PKN2: variants seen among roughly 807,000 people sequenced by gnomAD.
The protein encoded by PKN2 is serine/threonine-protein kinase N2.
PKN2 carries 38 observed loss-of-function variants against 119.1 expected under a neutral mutation model. The ratio of observed to expected loss-of-function variants is 0.32; its 90% CI spans 0.25 to 0.42. The LOEUF is 0.42. Ranked by LOEUF, PKN2 falls within the 10% of genes least tolerant of loss-of-function variation. The pLI, the probability that PKN2 is intolerant of heterozygous loss-of-function variation, is 1.00. For missense variants in PKN2, 850 were observed against 1,165.1 expected (o/e 0.73, Z 3.94); for synonymous variants, 390 against 384.9 (o/e 1.01, Z -0.15).
chr1:88,731,290 G>A (rs1004034075), intron 1 of PKN2, among the ~76,000 whole-genome samples: 3 of 152,204 alleles, frequency 2.0e-5, no homozygotes, highest in Non-Finnish European at 4.4e-5. Flanking sequence ...CTAGTTGAGA[G>A]CACTTTCCTT....
chr1:88,775,925 G>C (rs1670076641), intron 6 of PKN2, among the ~76,000 whole-genome samples: 1 of 151,956 alleles, frequency 6.6e-6, no homozygotes, highest in Non-Finnish European at 1.5e-5. Context: ...CTAACATGGT[G>C]AAACCTCATC....
chr1:88,785,933 A>AAT (rs1670554331), intron 7 of PKN2, among the ~76,000 whole-genome samples, 171 bp from the exon 8 acceptor site: 2 of 152,210 alleles, frequency 1.3e-5, no homozygotes, highest in Admixed American at 6.5e-5. Flanking sequence ...GTCTAGTAGG[A>AAT]GTATATGTAT....
rs1668561903 is a variant in PKN2 at position 88,741,123 on chromosome 1, A to G, written c.184A>G (p.Ile62Val). ...IKREIRKELK[I>V]KEGAENLRKV... ...GAGAGAAATAAGGAAAGAACTGAAA[A>G]TCAAAGAAGGAGCTGAAAATCTGAG... Residue 62 changes from isoleucine (I) to valine (V), a missense_variant, in exon 2 of 22, where the codon ATC becomes GTC. By Grantham distance (29) the Ile-to-Val change is conservative (BLOSUM62 3). Around this residue, in one of 9 missense-constraint regions of PKN2, gnomAD observed 350 missense variants for 511.1 expected, o/e 0.68. Coordinates refer to ENST00000370521, the MANE Select transcript of PKN2 (RefSeq NM_006256.4). 1 of 1,613,054 alleles carries G rather than the reference A, an allele frequency of 6.2e-7. No homozygotes were observed. The highest frequency in any genetic ancestry group is 1.7e-5 in the Admixed American group (1 of 59,902).
At chr1:88,770,672 G>A (rs572184057) in intron 4 of PKN2, among the ~76,000 whole-genome samples, 582 of 148,092 alleles carry the variant, frequency 3.9e-3, no homozygotes, top group East Asian at 9.0e-3. Flanking sequence ...TGCAAGCTCC[G>A]CCTCCCGGGT....
intron 1 of PKN2, among the ~76,000 whole-genome samples, chr1:88,696,408 G>T (rs1327652122): frequency 6.6e-6 from 1 of 152,106 alleles, no homozygotes; most frequent in African/African-American, 2.4e-5. Context: ...TCTTTCTAGG[G>T]CTACATGTTC....
chr1:88,689,945 A>C (rs1193630015), intron 1 of PKN2, among the ~76,000 whole-genome samples: 1 of 152,232 alleles, frequency 6.6e-6, no homozygotes, highest in African/African-American at 2.4e-5. Flanking sequence ...GACTACCACA[A>C]TGTTTGTAAT....
intron 1 of PKN2, among the ~76,000 whole-genome samples, chr1:88,693,710 CA>C (rs1666417409): frequency 1.3e-5 from 2 of 151,376 alleles, no homozygotes; most frequent in South Asian, 4.2e-4. Flanking sequence ...GACCCTGTCT[CA>C]AAAAAAGAAA....
intron 1 of PKN2, among the ~76,000 whole-genome samples, chr1:88,708,296 G>A (rs528524476): frequency 6.6e-6 from 1 of 152,182 alleles, no homozygotes; most frequent in African/African-American, 2.4e-5. Flanking sequence ...ATAGGTTTTT[G>A]TTGTCTAACC....
chr1:88,685,029 T>A (rs1177772185), intron 1 of PKN2: 3 of 188,384 alleles, frequency 1.6e-5, no homozygotes, highest in Admixed American at 6.2e-5. Flanking sequence ...CTTTCCTCCG[T>A]ACACCGCTCC....
At chr1:88,798,233 C>T (rs1490077004) in intron 8 of PKN2, among the ~76,000 whole-genome samples, 1 of 150,676 alleles carries the variant, frequency 6.6e-6, no homozygotes, top group East Asian at 1.9e-4. Flanking sequence ...CAAGCAGAAG[C>T]AGATAATGGG....
intron 15 of PKN2, among the ~76,000 whole-genome samples, chr1:88,811,521 A>C (rs1457395494): frequency 2.0e-5 from 3 of 152,200 alleles, no homozygotes; most frequent in Non-Finnish European, 2.9e-5. Context: ...CAATACAAAC[A>C]ATAGCAGTTC....
At chr1:88,713,759 C>T (rs182078509) in intron 1 of PKN2, among the ~76,000 whole-genome samples, 1 of 152,166 alleles carries the variant, frequency 6.6e-6, no homozygotes, top group Non-Finnish European at 1.5e-5. Context: ...GTTTCTTTTG[C>T]TATGCAGAAG....
At chr1:88,689,942 A>G (rs1374782784) in intron 1 of PKN2, among the ~76,000 whole-genome samples, 1 of 152,240 alleles carries the variant, frequency 6.6e-6, no homozygotes, top group Admixed American at 6.5e-5. Context: ...ATAGACTACC[A>G]CAATGTTTGT....
intron 2 of PKN2, among the ~76,000 whole-genome samples, chr1:88,749,353 C>T (rs1305251667): frequency 1.4e-5 from 2 of 147,336 alleles, no homozygotes; most frequent in Non-Finnish European, 1.5e-5. Context: ...TGCAGTGAGC[C>T]GAGATCGAGC....
chr1:88,827,015 T>G (rs1672526074), intron 18 of PKN2, among the ~76,000 whole-genome samples: 1 of 152,158 alleles, frequency 6.6e-6, no homozygotes, highest in Non-Finnish European at 1.5e-5. Flanking sequence ...TATCTAATTG[T>G]GCCCTTCAGG....
At chr1:88,685,671 G>A (rs1193405628) in intron 1 of PKN2, among the ~76,000 whole-genome samples, 1 of 151,996 alleles carries the variant, frequency 6.6e-6, no homozygotes, top group Non-Finnish European at 1.5e-5. Flanking sequence ...TTTTAATATA[G>A]TTATCTTTTA....
chr1:88,807,509 A>C lies in PKN2; in HGVS notation c.1935-20A>C, dbSNP rs763548552. 3.7e-6 allele frequency: 6 copies of C among 1,604,940 alleles called. No individual in the cohort carries two copies. In the Admixed American group the frequency reaches 8.5e-5, roughly 23 times the overall value. On this transcript the variant is annotated intron_variant, in intron 13 of 21. Coordinates refer to ENST00000370521, the MANE Select transcript of PKN2 (RefSeq NM_006256.4). ...ACCATACTTTATTGTCTTATTATTA[A>C]TTGAAATTTCTCTTTTCAGATCTCA... is the stretch of plus-strand genomic sequence containing the variant.
rs746339911 is a variant in PKN2, at chr1:88,771,722, G to A, written c.828G>A (p.Glu276=). Residue 276 remains glutamate (E), a synonymous_variant, in exon 6 of 22, where the codon GAG becomes GAA. Transcript: ENST00000370521. Reference sequence around the variant, plus strand: ...TGGACCTTTTAAAGTATTCATTAGAGCAAAGATTAAACGAAGTCCCCAAGA... The same window carrying A: ...TGGACCTTTTAAAGTATTCATTAGAACAAAGATTAAACGAAGTCCCCAAGA... ...QKLDLLKYSL[E]QRLNEVPKNH... The A allele has an allele frequency of 6.2e-7, 1 of 1,613,988 alleles. No homozygotes were observed. The highest frequency in any genetic ancestry group is 2.2e-5 in the East Asian group (1 of 44,834).
chr1:88,805,468 G>A (rs1557623997), intron 10 of PKN2, 29 bp from the exon 11 acceptor site: 1 of 1,522,978 alleles, frequency 6.6e-7, no homozygotes, highest in Admixed American at 2.0e-5. Flanking sequence ...GAAATTACTT[G>A]CTGTTTTTGT....
Sources: gnomAD v4.1 joint callset for allele counts (sites outside exome capture counted in the v4.1 genomes callset) on GRCh38, gnomAD v4.1.1 for gene constraint, gnomAD v4.1.1 regional missense constraint, MANE v1.5 for transcripts, NCBI Gene and HGNC (gene_info 2026-07-23, HGNC 2026-07-21) for gene names.